The following ZNF280D variants were observed in gnomAD, a reference collection of about 807,000 sequenced individuals.
ZNF280D encodes suppressor of hairy wing homolog 4.
A neutral mutation model predicts 94.7 loss-of-function variants in ZNF280D; 39 were observed. The observed-to-expected ratio is 0.41, with a 90% CI of 0.32 to 0.54. ZNF280D has a LOEUF of 0.54. Among genes scored for constraint, ZNF280D ranks in the 20% least tolerant of loss-of-function variants. The pLI is 0.22. For synonymous variants in ZNF280D, 398 were observed against 377.6 expected (o/e 1.05, Z -0.63); for missense variants, 1,090 against 1,149.3 (o/e 0.95, Z 0.75).
At chr15:56,723,141 G>A (rs2058458322) in intron 1 of ZNF280D, among the ~76,000 whole-genome samples, 1 of 151,856 alleles carries the variant, frequency 6.6e-6, no homozygotes, top group African/African-American at 2.4e-5. Flanking sequence ...TGACGAGTTA[G>A]TGGGTGCAGC....
chr15:56,636,993 T>C (rs1388162304), intron 20 of ZNF280D, among the ~76,000 whole-genome samples: 4 of 152,076 alleles, frequency 2.6e-5, no homozygotes, highest in Non-Finnish European at 4.4e-5. Context: ...AGGCATGAGA[T>C]ACTGAGAAAA....
intron 4 of ZNF280D, among the ~76,000 whole-genome samples, chr15:56,701,802 A>T (rs2057090931): frequency 6.6e-6 from 1 of 152,092 alleles, no homozygotes; most frequent in Non-Finnish European, 1.5e-5. Flanking sequence ...ATTGCAGACT[A>T]AAGTGAACCA....
intron 6 of ZNF280D, among the ~76,000 whole-genome samples, chr15:56,695,018 T>A (rs189291262): frequency 1.3e-5 from 2 of 152,336 alleles, no homozygotes; most frequent in East Asian, 1.9e-4. Flanking sequence ...TTTTTCTGCA[T>A]AAAAGCTTTG....
intron 19 of ZNF280D, 187 bp from the exon 20 acceptor site, chr15:56,643,184 A>G: frequency 2.7e-6 from 1 of 370,604 alleles, no homozygotes; most frequent in Non-Finnish European, 4.9e-6. Context: ...GAGACTAAAT[A>G]GTAGATTCGA....
intron 1 of ZNF280D, among the ~76,000 whole-genome samples, chr15:56,733,176 G>A (rs929574719): frequency 1.3e-5 from 2 of 152,232 alleles, no homozygotes; most frequent in African/African-American, 4.8e-5. Context: ...AGGAGGTGGC[G>A]GAGGAGCAGA....
intron 13 of ZNF280D, among the ~76,000 whole-genome samples, chr15:56,674,655 T>C (rs1291872774): frequency 6.6e-6 from 1 of 152,064 alleles, no homozygotes; most frequent in African/African-American, 2.4e-5. Context: ...AATAATAATA[T>C]ACATCTAGTG....
intron 7 of ZNF280D, among the ~76,000 whole-genome samples, chr15:56,689,748 C>G (rs1480981546): frequency 2.0e-5 from 3 of 151,220 alleles, no homozygotes; most frequent in African/African-American, 7.3e-5. Flanking sequence ...AAATAGCTAT[C>G]ACAAAGGGAG....
At chr15:56,727,332 G>A (rs1321533934) in intron 1 of ZNF280D, among the ~76,000 whole-genome samples, 5 of 152,272 alleles carry the variant, frequency 3.3e-5, no homozygotes, top group East Asian at 1.9e-4. Context: ...GGTGGCGCAC[G>A]CCTGTAGTTC....
intron 1 of ZNF280D, chr15:56,725,015 T>A: frequency 2.9e-6 from 1 of 347,402 alleles, no homozygotes. Flanking sequence ...GCAGAGCAAG[T>A]AAAAAAAGCA....
chr15:56,704,517 G>C (rs559764445), intron 3 of ZNF280D, among the ~76,000 whole-genome samples: 3 of 152,122 alleles, frequency 2.0e-5, no homozygotes, highest in Non-Finnish European at 2.9e-5. Context: ...AGAAAATTTG[G>C]AAGTCAAATT....
chr15:56,657,152 CAAAG>C (rs750131040), intron 17 of ZNF280D, among the ~76,000 whole-genome samples: 60 of 107,342 alleles, frequency 5.6e-4, no homozygotes, highest in Admixed American at 2.7e-3. Context: ...ATAAAATAAA[CAAAG>C]AAAGTTCAAG....
chr15:56,644,114 A>G (rs2052763513), intron 19 of ZNF280D, among the ~76,000 whole-genome samples: 1 of 152,064 alleles, frequency 6.6e-6, no homozygotes, highest in African/African-American at 2.4e-5. Flanking sequence ...CAAAACTGCT[A>G]CTTAATATAG....
intron 9 of ZNF280D, among the ~76,000 whole-genome samples, chr15:56,682,805 T>G (rs1394206884): frequency 6.6e-6 from 1 of 152,028 alleles, no homozygotes; most frequent in African/African-American, 2.4e-5. Context: ...TAACTAAAAA[T>G]CATTCATCTC....
In ZNF280D at chr15:56,631,885, C is replaced by T; in HGVS notation, c.2553G>A (p.Leu851=). 2 of 1,613,746 alleles carry T rather than the reference C, an allele frequency of 1.2e-6. No individual in the cohort carries two copies. Among genetic ancestry groups the T allele is most frequent in the Non-Finnish European group, 8.5e-7 (1 of 1,180,000 alleles). ...TGTTTTCTGAACTTTGGCACATCTT[C>T]AACTCCATTTCCTGACAAACGTGTT... ...QIQHVCQEME[L]KMCQSSENII... is the part of the protein sequence containing the mutation. The change falls in exon 22 of 22, where the codon TTG becomes TTA. Residue 851 remains leucine (L), a synonymous_variant. Transcript: ENST00000267807.
chr15:56,724,881 T>C, intron 1 of ZNF280D: 1 of 454,332 alleles, frequency 2.2e-6, no homozygotes, highest in Non-Finnish European at 4.4e-6. Context: ...AGATCTATTT[T>C]TTTTCTCATG....
chr15:56,646,816 G>A (rs1171175901), intron 19 of ZNF280D, among the ~76,000 whole-genome samples: 1 of 151,970 alleles, frequency 6.6e-6, no homozygotes, highest in Non-Finnish European at 1.5e-5. Context: ...AGGCAAGGAA[G>A]CAATGAAGAT....
At chr15:56,714,119 C>G (rs926030879) in intron 1 of ZNF280D, among the ~76,000 whole-genome samples, 3 of 152,134 alleles carry the variant, frequency 2.0e-5, no homozygotes, top group Non-Finnish European at 2.9e-5. Flanking sequence ...GTATTTCTTA[C>G]AAATGTTTTA....
chr15:56,733,086 CA>C (rs200547154), intron 1 of ZNF280D: 5,513 of 152,592 alleles, frequency 0.036, 347 homozygotes, highest in Admixed American at 0.16. Context: ...AACATCGGCA[CA>C]AAATGTACCA....
At chr15:56,719,124 C>G (rs1219223539) in intron 1 of ZNF280D, among the ~76,000 whole-genome samples, 1 of 152,104 alleles carries the variant, frequency 6.6e-6, no homozygotes, top group African/African-American at 2.4e-5. Context: ...TCAACAGCAG[C>G]CTATAAGATC....
Sources: gnomAD v4.1 joint callset for allele counts (sites outside exome capture counted in the v4.1 genomes callset) on GRCh38, gnomAD v4.1.1 for gene constraint, MANE v1.5 for transcripts, NCBI Gene and HGNC (gene_info 2026-07-23, HGNC 2026-07-21) for gene names.